The following PCYT1B variants were observed in gnomAD, a reference collection of about 807,000 sequenced individuals.
PCYT1B encodes choline-phosphate cytidylyltransferase B.
PCYT1B carries 10 observed loss-of-function variants against 26.4 expected under a neutral mutation model. The ratio of observed to expected loss-of-function variants is 0.38; its 90% CI spans 0.23 to 0.64. The LOEUF (loss-of-function observed/expected upper bound fraction) is 0.64. Ranked by LOEUF, PCYT1B falls within the 30% of genes least tolerant of loss-of-function variation. The pLI is 0.56. For missense variants in PCYT1B, 161 were observed against 292.7 expected, an observed-to-expected ratio of 0.55 and a Z score of 3.28; for synonymous variants, 131 against 108.4, an observed-to-expected ratio of 1.21 and a Z score of -1.29.
intron 1 of PCYT1B, among the ~76,000 whole-genome samples, chrX:24,619,386 A>C (rs1351994888): frequency 8.9e-6 from 1 of 112,088 alleles, no homozygotes; most frequent in Non-Finnish European, 1.9e-5. Flanking sequence ...CCCCGTGATG[A>C]ATAGATACTT....
chrX:24,637,491 A>AATATATATATATATATAT (rs1555963533), intron 1 of PCYT1B, among the ~76,000 whole-genome samples: 1 of 52,894 alleles, frequency 1.9e-5, no homozygotes, highest in African/African-American at 1.5e-4. Context: ...AAAAAAAAAA[A>AATATATATATATATATAT]ATATATATAT....
intron 7 of PCYT1B, among the ~76,000 whole-genome samples, chrX:24,571,030 G>A (rs1183943570): frequency 8.9e-6 from 1 of 111,996 alleles, no homozygotes; most frequent in East Asian, 2.8e-4. Flanking sequence ...TGAGACCACG[G>A]GAAAGTTTCA....
At chrX:24,643,021 T>TA (rs1926513483) in intron 1 of PCYT1B, among the ~76,000 whole-genome samples, 1 of 111,995 alleles carries the variant, frequency 8.9e-6, no homozygotes, top group African/African-American at 3.2e-5. Context: ...AGTTGATCCA[T>TA]AGTATATCCA....
intron 6 of PCYT1B, among the ~76,000 whole-genome samples, chrX:24,576,535 C>A (rs946265633): frequency 1.8e-5 from 2 of 111,253 alleles, no homozygotes; most frequent in African/African-American, 6.5e-5. Context: ...GAACTCCTGA[C>A]CTGAAGTGAT....
rs775738156 is a variant in PCYT1B, at chrX:24,667,582, T to C, written c.63+4988A>G. Among the ~76,000 whole-genome samples the C allele has an allele frequency of 4.5e-5, 5 of 110,006 alleles. No homozygotes were observed. In the East Asian group the frequency reaches 1.4e-3, roughly 31 times the overall value. ...AAGTACAAAAATTAGCTGGGCATGG[T>C]GGTGGGTGCCTGTAATCCCAGCTAC... On this transcript the variant is annotated intron_variant, in intron 1 of 7. Transcript: ENST00000379145.
At chrX:24,579,242 G>T in intron 6 of PCYT1B, 74 bp downstream of exon 6, 1 of 1,038,515 alleles carries the variant, frequency 9.6e-7, no homozygotes, top group Admixed American at 2.2e-5. Flanking sequence ...CTTAGTAAGT[G>T]CTCAATAAAC....
intron 4 of PCYT1B, among the ~76,000 whole-genome samples, chrX:24,587,958 A>G (rs777349477): frequency 1.4e-4 from 16 of 112,763 alleles, no homozygotes; most frequent in Non-Finnish European, 3.0e-4. Flanking sequence ...TTCCCACTGC[A>G]TCCCTCTCTT....
chrX:24,672,753 C>T (rs907021910), upstream of PCYT1B: 5 of 532,238 alleles, frequency 9.4e-6, no homozygotes, highest in Non-Finnish European at 1.6e-5. Flanking sequence ...CTGTGCCCAG[C>T]GCTCAAAGAT....
chrX:24,607,955 A>G (rs774267730), intron 2 of PCYT1B, 94 bp from the exon 3 acceptor site: 11 of 475,622 alleles, frequency 2.3e-5, no homozygotes, highest in African/African-American at 9.7e-5. Context: ...GATAAGACAC[A>G]ATCTCTACAT....
chrX:24,590,220 T>C, intron 3 of PCYT1B, 46 bp from the exon 4 acceptor site: 6 of 1,123,851 alleles, frequency 5.3e-6, no homozygotes, highest in South Asian at 2.1e-5. Flanking sequence ...GCCCAGGACC[T>C]GCTCACAGCC....
rs990943512 is a variant in PCYT1B, at chrX:24,671,775, C to T, written c.63+795G>A. Among the ~76,000 whole-genome samples, 111 of 111,582 alleles carry T rather than the reference C, an allele frequency of 9.9e-4. 1 individual carries two copies. The highest frequency in any genetic ancestry group is 2.3e-4 in the Non-Finnish European group (12 of 53,141). ...ACATCATCTGGGGTCCTTCTTAACA[C>T]TTTGTCCCACTGCCTAAACTTTCTC... On this transcript the variant is annotated intron_variant, in intron 1 of 7. Transcript: ENST00000379145.
intron 7 of PCYT1B, among the ~76,000 whole-genome samples, chrX:24,567,246 A>G (rs1165181198): frequency 8.9e-6 from 1 of 112,294 alleles, no homozygotes; most frequent in African/African-American, 3.2e-5. Context: ...AGCTGAGAAC[A>G]TTCTGCCTGA....
At chrX:24,644,263 G>A (rs1239912102) in intron 1 of PCYT1B, among the ~76,000 whole-genome samples, 1 of 111,711 alleles carries the variant, frequency 9.0e-6, no homozygotes. Context: ...TAAGAGAGAA[G>A]GCAATTTGAA....
At position 24,669,723 on chromosome X, in the gene PCYT1B, T is replaced by C. The variant is rs766298544; in HGVS notation, c.63+2847A>G. 1.1e-3 allele frequency among the ~76,000 whole-genome samples: 124 copies of C among 109,570 alleles called. 1 individual carries two copies. Among genetic ancestry groups the C allele is most frequent in the African/African-American group, 4.0e-3 (121 of 30,086 alleles). ...TGCTATCTTGGACAATTAACCTCTG[T>C]GAGCTTCAATTTTCTCACTTGAAAA... On this transcript the variant is annotated intron_variant, in intron 1 of 7. Coordinates refer to the PCYT1B transcript ENST00000379145.
chrX:24,642,495 A>T (rs1193006979), intron 1 of PCYT1B, among the ~76,000 whole-genome samples: 2 of 112,386 alleles, frequency 1.8e-5, no homozygotes, highest in East Asian at 5.5e-4. Context: ...TTTCTTCCAT[A>T]AGGGTTTAGC....
chrX:24,561,467 T>C lies in PCYT1B; in HGVS notation c.*826A>G, dbSNP rs1923412776. ...CTTTAAGGAGAAGCTTCAGGAGACA[T>C]TTCTTGTCCGCTAAACCTGGAGGCA... is the stretch of plus-strand genomic sequence containing the variant. On this transcript the variant is annotated 3_prime_UTR_variant, in exon 8 of 8. Coordinates refer to ENST00000379144, the MANE Select transcript of PCYT1B (RefSeq NM_004845.5). The C allele has an allele frequency of 8.9e-6, 1 of 112,425 alleles. No individual in the cohort carries two copies. The highest frequency in any genetic ancestry group is 3.2e-5 in the African/African-American group (1 of 30,791). The allele number at this position is 112,425 out of a possible 1,213,427, so 9.3% of individuals were successfully genotyped here. A position where few individuals can be genotyped will look rare whatever the true frequency, so the allele number is the denominator to read the frequency against.
chrX:24,603,387 A>T (rs746512063), intron 3 of PCYT1B, among the ~76,000 whole-genome samples: 1 of 112,351 alleles, frequency 8.9e-6, no homozygotes, highest in Admixed American at 9.4e-5. Context: ...ATTTTCCCAC[A>T]TCCCTGCAAG....
intron 1 of PCYT1B, among the ~76,000 whole-genome samples, chrX:24,667,903 A>C (rs1405626819): frequency 9.0e-6 from 1 of 111,505 alleles, no homozygotes; most frequent in East Asian, 2.8e-4. Flanking sequence ...ATGGCTAAAA[A>C]TTTTCCTTAA....
At chrX:24,628,121 C>G (rs1925938036) in intron 1 of PCYT1B, among the ~76,000 whole-genome samples, 2 of 111,859 alleles carry the variant, frequency 1.8e-5, no homozygotes, top group South Asian at 7.4e-4. Context: ...GGTTTAGAAA[C>G]TGAGAGAGTA....
Sources: allele counts gnomAD v4.1 joint callset (sites outside exome capture counted in the v4.1 genomes callset), GRCh38; gene constraint gnomAD v4.1.1; transcripts MANE v1.5; gene names NCBI Gene and HGNC (gene_info 2026-07-23, HGNC 2026-07-21).